CHD1: variants seen among roughly 807,000 people sequenced by gnomAD.
CHD1 encodes ATP-dependent chromatin remodeler CHD1.
CHD1 carries 36 observed loss-of-function variants against 224.2 expected under a neutral mutation model. That is an observed-to-expected ratio of 0.16 (90% CI 0.12 to 0.21). The LOEUF is 0.21. Ranked by LOEUF, CHD1 falls within the 10% of genes least tolerant of loss-of-function variation. CHD1 has a pLI of 1.00. For synonymous variants in CHD1, 668 were observed against 658.3 expected (o/e 1.01, Z -0.23); for missense variants, 1,378 against 1,994.8 (o/e 0.69, Z 5.89).
rs747857005 is a variant in CHD1 at position 98,879,638 on chromosome 5, G to C, written c.3151C>G (p.Gln1051Glu). 8 of 1,607,880 alleles carry C rather than the reference G, an allele frequency of 5.0e-6. No homozygotes were observed. The highest frequency in any genetic ancestry group is 5.9e-6 in the Non-Finnish European group (7 of 1,177,166). The change falls in exon 23 of 36, where the codon CAA (glutamine) becomes GAA (glutamate). Residue 1051 changes from glutamine (Q) to glutamate (E), a missense_variant. Physicochemically the swap from Gln to Glu is conservative, Grantham distance 29. Transcript: ENST00000614616. Reference protein sequence around the residue: ...KNWEEIIPEDQRRRLEEEERQ... With the variant: ...KNWEEIIPEDERRRLEEEERQ... Reference sequence around the variant, plus strand: ...TCTTCTTCTTCTAATCGTCTTCTTTGATCTTCTGGAATAATTTCCTCCCAA... The same window carrying C: ...TCTTCTTCTTCTAATCGTCTTCTTTCATCTTCTGGAATAATTTCCTCCCAA...
intron 2 of CHD1, among the ~76,000 whole-genome samples, chr5:98,907,588 C>CAAAAA (rs34839165): frequency 1.1e-5 from 1 of 87,516 alleles, no homozygotes; most frequent in Non-Finnish European, 2.3e-5. Flanking sequence ...AACTCCATCT[C>CAAAAA]AAAAAAAAAA....
At chr5:98,914,472 T>C (rs995882853) in intron 2 of CHD1, among the ~76,000 whole-genome samples, 1 of 151,998 alleles carries the variant, frequency 6.6e-6, no homozygotes, top group Non-Finnish European at 1.5e-5. Flanking sequence ...TCTCTTCAAC[T>C]AATGAGTACT....
chr5:98,914,633 TTTCAGAA>T (rs1415722154), intron 2 of CHD1, among the ~76,000 whole-genome samples: 2 of 152,224 alleles, frequency 1.3e-5, no homozygotes, highest in Non-Finnish European at 2.9e-5. Context: ...TAGGGAGTGA[TTTCAGAA>T]TTCAGCAACG....
At chr5:98,903,365 A>T (rs1751847063) in intron 4 of CHD1, among the ~76,000 whole-genome samples, 1 of 151,582 alleles carries the variant, frequency 6.6e-6, no homozygotes, top group African/African-American at 2.4e-5. Flanking sequence ...ATGCTTGCAC[A>T]CACACACAAA....
Position 98,856,483 on chromosome 5 carries a change from G to A in CHD1, c.5030C>T (p.Ser1677Leu). 1.2e-6 allele frequency: 2 copies of A among 1,613,730 alleles called. No individual in the cohort carries two copies. Among genetic ancestry groups the A allele is most frequent in the Non-Finnish European group, 1.7e-6 (2 of 1,179,678 alleles). Reference sequence around the variant, plus strand: ...ATAAGGAGATCTCTGATCTAGTGGTGACCTAGGGCCACTGCTGGAAGCTCT... The same window carrying A: ...ATAAGGAGATCTCTGATCTAGTGGTAACCTAGGGCCACTGCTGGAAGCTCT... ...DHRASSSGPRSPLDQRSPYGS... is the reference protein window; with the variant it reads ...DHRASSSGPRLPLDQRSPYGS... Residue 1677 changes from serine (S) to leucine (L), a missense_variant, in exon 36 of 36, where the codon TCA (serine) becomes TTA (leucine). Transcript: ENST00000614616.
chr5:98,869,638 ACACACACAC>A, intron 30 of CHD1, 107 bp downstream of exon 30: 1 of 1,099,430 alleles, frequency 9.1e-7, no homozygotes, highest in East Asian at 2.5e-5. Flanking sequence ...ACACACACAC[ACACACACAC>A]ACACAGACTT....
At chr5:98,921,366 C>T (rs1753084781) in intron 2 of CHD1, among the ~76,000 whole-genome samples, 1 of 152,186 alleles carries the variant, frequency 6.6e-6, no homozygotes, top group Admixed American at 6.5e-5. Context: ...TGGCAAGATG[C>T]TATGACTCCA....
chr5:98,869,633 C>CAT (rs1749177305), intron 30 of CHD1, 121 bp downstream of exon 30: 8 of 911,460 alleles, frequency 8.8e-6, no homozygotes, highest in Non-Finnish European at 1.3e-5. Context: ...CACACACACA[C>CAT]ACACACACAC....
At chr5:98,898,610 TCAGA>T in intron 9 of CHD1, 50 bp downstream of exon 9, 2 of 1,305,208 alleles carry the variant, frequency 1.5e-6, no homozygotes, top group Admixed American at 2.0e-5. Flanking sequence ...ATGACTTTTT[TCAGA>T]TTATTTCAAG....
chr5:98,916,493 C>T (rs909592896), intron 2 of CHD1, among the ~76,000 whole-genome samples: 10 of 133,096 alleles, frequency 7.5e-5, no homozygotes, highest in South Asian at 2.3e-4. Flanking sequence ...TGTGGTGAGC[C>T]GAGATTGCAA....
At chr5:98,927,552 A>G (rs1753555148) in intron 1 of CHD1, among the ~76,000 whole-genome samples, 1 of 152,216 alleles carries the variant, frequency 6.6e-6, no homozygotes, top group South Asian at 2.1e-4. Flanking sequence ...AATTCTCTAG[A>G]CTACTGTCCA....
intron 35 of CHD1, among the ~76,000 whole-genome samples, chr5:98,857,921 C>A (rs538533012): frequency 6.6e-6 from 1 of 151,974 alleles, no homozygotes; most frequent in Non-Finnish European, 1.5e-5. Flanking sequence ...ATGAACCCCA[C>A]GCAATTTATA....
chr5:98,922,533 C>A (rs146289672), intron 2 of CHD1, among the ~76,000 whole-genome samples: 25 of 152,106 alleles, frequency 1.6e-4, no homozygotes, highest in Non-Finnish European at 3.5e-4. Flanking sequence ...CAAATGAATT[C>A]TTTCTTAATT....
chr5:98,856,775 T>G, intron 35 of CHD1, 50 bp from the exon 36 acceptor site: 1 of 1,192,930 alleles, frequency 8.4e-7, no homozygotes, highest in Middle Eastern at 2.1e-4. Context: ...AATTAAAATG[T>G]TTCCAAATAA....
At chr5:98,881,487 G>T in intron 20 of CHD1, 112 bp from the exon 21 acceptor site, 4 of 537,660 alleles carry the variant, frequency 7.4e-6, no homozygotes, top group East Asian at 3.4e-5. Context: ...ACATGAAGAA[G>T]TTAGACAAAT....
Position 98,876,555 on chromosome 5 carries a change from T to C in CHD1, c.3241A>G (p.Ser1081Gly). ...PRMRNCAKQI[S>G]FNGSEGRRSR... Reference sequence around the variant, plus strand: ...CGCCTCCCTTCACTTCCATTGAAACTAATCTGGAATTGGAAAATATTTACC... The same window carrying C: ...CGCCTCCCTTCACTTCCATTGAAACCAATCTGGAATTGGAAAATATTTACC... Residue 1081 changes from serine to glycine, a missense_variant, in exon 24 of 36, where the codon AGT (serine) becomes GGT (glycine). Ser to Gly is a moderately conservative substitution (Grantham distance 56, BLOSUM62 0). Around this residue, in one of 16 missense-constraint regions of CHD1, gnomAD observed 286 missense variants for 445.1 expected, o/e 0.64. Coordinates refer to ENST00000614616, the MANE Select transcript of CHD1 (RefSeq NM_001270.4). 3.1e-6 allele frequency: 5 copies of C among 1,612,862 alleles called. No homozygotes were observed. Among genetic ancestry groups the C allele is most frequent in the South Asian group, 1.1e-5 (1 of 91,000 alleles).
rs764795083 is a variant in CHD1 at position 98,899,718 on chromosome 5, G to C, written c.860-13C>G. 3 of 1,567,190 alleles carry C rather than the reference G, an allele frequency of 1.9e-6. No individual in the cohort carries two copies. The highest frequency in any genetic ancestry group is 2.6e-6 in the Non-Finnish European group (3 of 1,141,976). On this transcript the variant is annotated splice_polypyrimidine_tract_variant and intron_variant, in intron 7 of 35. Coordinates refer to ENST00000614616, the MANE Select transcript of CHD1 (RefSeq NM_001270.4). ...GTAGCACCAGTAGCTGAAAACAAAA[G>C]CACAAGATCCTTCCATGTAATTAAT...
intron 14 of CHD1, 33 bp from the exon 15 acceptor site, chr5:98,892,746 G>C (rs371547428): frequency 6.8e-7 from 1 of 1,468,132 alleles, no homozygotes; most frequent in East Asian, 2.3e-5. Flanking sequence ...ACAATTACTA[G>C]AAAAAATCAA....
chr5:98,861,748 C>T (rs770395828), intron 32 of CHD1, among the ~76,000 whole-genome samples: 1 of 151,800 alleles, frequency 6.6e-6, no homozygotes, highest in Non-Finnish European at 1.5e-5. Flanking sequence ...GTGATGCGCC[C>T]ACCTTGGCCT....
Sources: allele counts gnomAD v4.1 joint callset (sites outside exome capture counted in the v4.1 genomes callset), GRCh38; gene constraint gnomAD v4.1.1; regional missense constraint gnomAD v4.1.1; transcripts MANE v1.5; gene names NCBI Gene and HGNC (gene_info 2026-07-23, HGNC 2026-07-21).